The following NCAM2 variants were observed in gnomAD, a reference collection of about 807,000 sequenced individuals.
NCAM2 encodes neural cell adhesion molecule 2, also known as N-CAM-2.
Under a neutral mutation model 98.1 loss-of-function variants are expected in NCAM2, and 30 were observed. That is an observed-to-expected ratio of 0.31 (90% CI 0.23 to 0.41). The LOEUF is 0.41. Ranked by LOEUF, NCAM2 falls within the 10% of genes least tolerant of loss-of-function variation. NCAM2 has a pLI of 1.00. For synonymous variants in NCAM2, 368 were observed against 342.4 expected (o/e 1.07, Z -0.83); for missense variants, 867 against 1,005.8 (o/e 0.86, Z 1.87).
At chr21:21,522,764 T>A (rs946237386) in intron 16 of NCAM2, among the ~76,000 whole-genome samples, 2 of 151,404 alleles carry the variant, frequency 1.3e-5, no homozygotes, top group South Asian at 4.2e-4. Context: ...CCTGAGTAAC[T>A]GGGATTACAG....
In NCAM2 at chr21:21,292,135, G is replaced by T; in HGVS notation, c.513G>T (p.Leu171=). Residue 171 remains leucine, a synonymous_variant, in exon 5 of 18, where the codon CTG becomes CTT. Coordinates refer to ENST00000400546, the MANE Select transcript of NCAM2 (RefSeq NM_004540.5). ...NRFAMLANNN[L]QILNINKSDE... ...TCGCTATGTTAGCAAACAATAACCT[G>T]CAGATTCTCAACATCAATAAAAGTG... The T allele has an allele frequency of 6.2e-7, 1 of 1,610,746 alleles. No homozygotes were observed. Among genetic ancestry groups the T allele is most frequent in the Non-Finnish European group, 8.5e-7 (1 of 1,178,168 alleles).
At chr21:21,186,427 C>T (rs2068642890) in intron 1 of NCAM2, among the ~76,000 whole-genome samples, 1 of 151,898 alleles carries the variant, frequency 6.6e-6, no homozygotes, top group African/African-American at 2.4e-5. Context: ...TAATTAAATT[C>T]ATAATTTTGG....
At chr21:21,444,073 C>T (rs1476941617) in intron 12 of NCAM2, among the ~76,000 whole-genome samples, 1 of 151,718 alleles carries the variant, frequency 6.6e-6, no homozygotes, top group Admixed American at 6.6e-5. Context: ...TTTTCAAAGG[C>T]CTGCATCTAT....
chr21:21,225,306 T>G (rs1461041376), intron 1 of NCAM2, among the ~76,000 whole-genome samples: 2 of 151,970 alleles, frequency 1.3e-5, no homozygotes, highest in Non-Finnish European at 2.9e-5. Context: ...ATACTGGACT[T>G]AATACTTAGG....
At chr21:21,298,191 A>G (rs2073563118) in intron 5 of NCAM2, among the ~76,000 whole-genome samples, 1 of 151,712 alleles carries the variant, frequency 6.6e-6, no homozygotes, top group East Asian at 1.9e-4. Flanking sequence ...TTAAGTCAAA[A>G]TTTTCTCTTT....
At chr21:21,348,565 A>G (rs146128136) in intron 8 of NCAM2, among the ~76,000 whole-genome samples, 2,636 of 152,112 alleles carry the variant, frequency 0.017, 77 homozygotes, top group African/African-American at 0.06. Context: ...ATCAAAATTT[A>G]ATGACATTTT....
At chr21:21,407,174 A>T (rs888692021) in intron 9 of NCAM2, among the ~76,000 whole-genome samples, 1 of 152,218 alleles carries the variant, frequency 6.6e-6, no homozygotes, top group Non-Finnish European at 1.5e-5. Flanking sequence ...ACACTGGCCC[A>T]GTACCAAGTT....
intron 1 of NCAM2, among the ~76,000 whole-genome samples, chr21:21,225,026 C>A (rs1332107060): frequency 6.6e-6 from 1 of 151,882 alleles, no homozygotes; most frequent in Non-Finnish European, 1.5e-5. Flanking sequence ...TGCCCATCAA[C>A]AATAGGCTGA....
rs566064454 is a variant in NCAM2 at position 21,230,158 on chromosome 21, T to C, written c.56-50420T>C. Among the ~76,000 whole-genome samples, 5 of 151,290 alleles carry C rather than the reference T, an allele frequency of 3.3e-5. No individual in the cohort carries two copies. In the East Asian group the frequency reaches 9.7e-4, roughly 29 times the overall value. On this transcript the variant is annotated intron_variant, in intron 1 of 17. Transcript: ENST00000400546. Reference sequence around the variant, plus strand: ...CTGTCAGTAGTCCTGAAATGCCATTTGTTTGCAAAAAGAAAAAAAATACAG... The same window carrying C: ...CTGTCAGTAGTCCTGAAATGCCATTCGTTTGCAAAAAGAAAAAAAATACAG...
In NCAM2 at chr21:21,098,891, C is replaced by A. The variant is rs542215291; in HGVS notation, c.55+100273C>A. On this transcript the variant is annotated intron_variant, in intron 1 of 17. Transcript: ENST00000400546. ...AATTTTCAGCAAGCAATTGCCAAAGCCTGATAAAGGGAAATTTTCCTGCCT... is the reference window on the plus strand; with the variant it reads ...AATTTTCAGCAAGCAATTGCCAAAGACTGATAAAGGGAAATTTTCCTGCCT... Among the ~76,000 whole-genome samples, 71 of 151,812 alleles carry A rather than the reference C, an allele frequency of 4.7e-4. 1 individual carries two copies. In the South Asian group the frequency reaches 0.014, roughly 30 times the overall value.
chr21:21,387,176 GCACACACACATACACACA>G (rs768894542), intron 9 of NCAM2, among the ~76,000 whole-genome samples: 3,746 of 125,522 alleles, frequency 0.03, 49 homozygotes, highest in Non-Finnish European at 0.033. Context: ...TACTTGGTGC[GCACACACACATACACACA>G]CACACACACA....
At chr21:21,198,037 A>T (rs984760801) in intron 1 of NCAM2, among the ~76,000 whole-genome samples, 1 of 152,180 alleles carries the variant, frequency 6.6e-6, no homozygotes, top group South Asian at 2.1e-4. Flanking sequence ...TACCTGGTTC[A>T]TATCACTCTT....
At chr21:21,496,793 G>A (rs1313218109) in intron 15 of NCAM2, among the ~76,000 whole-genome samples, 1 of 152,070 alleles carries the variant, frequency 6.6e-6, no homozygotes, top group African/African-American at 2.4e-5. Context: ...TTTTGTATAT[G>A]GTGAAAGGTA....
intron 1 of NCAM2, among the ~76,000 whole-genome samples, chr21:21,067,038 A>G (rs1285016368): frequency 1.3e-5 from 2 of 152,060 alleles, no homozygotes; most frequent in South Asian, 4.1e-4. Flanking sequence ...AGGTTTATGC[A>G]GATATGGAGT....
At chr21:21,228,845 T>C (rs2070499917) in intron 1 of NCAM2, among the ~76,000 whole-genome samples, 1 of 151,548 alleles carries the variant, frequency 6.6e-6, no homozygotes, top group South Asian at 2.1e-4. Flanking sequence ...CCAGACAAAG[T>C]ATGGCAAAAC....
intron 6 of NCAM2, among the ~76,000 whole-genome samples, chr21:21,327,457 C>T (rs2074549521): frequency 6.6e-6 from 1 of 151,982 alleles, no homozygotes; most frequent in South Asian, 2.1e-4. Flanking sequence ...TCAGAAACAG[C>T]AATCCTTTTT....
rs567865969 is a variant in NCAM2, at chr21:21,453,512, T to C, written c.1655-13094T>C. Among the ~76,000 whole-genome samples, 16 of 152,208 alleles carry C rather than the reference T, an allele frequency of 1.1e-4. No individual in the cohort carries two copies. In the South Asian group the frequency reaches 1.9e-3, roughly 18 times the overall value. On this transcript the variant is annotated intron_variant, in intron 12 of 17. Transcript: ENST00000400546. ...TTATTCTTAATGTCATGGAACCTTATTGAAAATCTCGTAAGTAATTCTAGA... is the reference window on the plus strand; with the variant it reads ...TTATTCTTAATGTCATGGAACCTTACTGAAAATCTCGTAAGTAATTCTAGA...
At chr21:21,495,554 G>A (rs1209256552) in intron 15 of NCAM2, among the ~76,000 whole-genome samples, 1 of 151,898 alleles carries the variant, frequency 6.6e-6, no homozygotes, top group Non-Finnish European at 1.5e-5. Context: ...TTTGTTTTTG[G>A]TGCTGTTTGT....
At chr21:21,314,313 A>AATT (rs1213861858) in intron 5 of NCAM2, among the ~76,000 whole-genome samples, 1 of 152,074 alleles carries the variant, frequency 6.6e-6, no homozygotes, top group African/African-American at 2.4e-5. Flanking sequence ...GAACTTTATA[A>AATT]ATTTTGTTTC....
Sources: gnomAD v4.1 joint callset for allele counts (sites outside exome capture counted in the v4.1 genomes callset) on GRCh38, gnomAD v4.1.1 for gene constraint, MANE v1.5 for transcripts, NCBI Gene and HGNC (gene_info 2026-07-23, HGNC 2026-07-21) for gene names.